The following ZNF280D variants were observed in gnomAD, a reference collection of about 807,000 sequenced individuals.
ZNF280D encodes zinc finger protein 280D.
ZNF280D carries 39 observed loss-of-function variants against 94.7 expected under a neutral mutation model. The ratio of observed to expected loss-of-function variants is 0.41; its 90% confidence interval spans 0.32 to 0.54. The LOEUF is 0.54. ZNF280D is among the 20% of genes least tolerant of loss of function. The probability of loss-of-function intolerance (pLI) is 0.22; values close to 1 mark genes in which losing one functional copy is unlikely to be tolerated. For missense variants in ZNF280D, 1,090 were observed against 1,149.3 expected (o/e 0.95, Z 0.75); for synonymous variants, 398 against 377.6 (o/e 1.05, Z -0.63).
At position 56,704,118 on chromosome 15, in the gene ZNF280D, T is replaced by C; in HGVS notation, c.175+3A>G. 1 of 1,613,432 alleles carries C rather than the reference T, an allele frequency of 6.2e-7. No individual in the cohort carries two copies. The highest frequency in any genetic ancestry group is 8.5e-7 in the Non-Finnish European group (1 of 1,179,810). ...CTTGGTTTCACTAAAAGTAAATGCT[T>C]ACTTGAAATTGCTGGTTTTGAACTT... On this transcript the variant is annotated splice_donor_region_variant and intron_variant, in intron 4 of 21. Transcript: ENST00000267807.
chr15:56,631,538 T>A lies in ZNF280D; in HGVS notation c.2900A>T (p.Glu967Val). 1 of 1,613,970 alleles carries A rather than the reference T, an allele frequency of 6.2e-7. No homozygotes were observed. Among genetic ancestry groups the A allele is most frequent in the Non-Finnish European group, 8.5e-7 (1 of 1,179,854 alleles). Residue 967 changes from glutamate (E) to valine (V), a missense_variant, in exon 22 of 22, where the codon GAG becomes GTG. Coordinates refer to ENST00000267807, the MANE Select transcript of ZNF280D (RefSeq NM_017661.4). ...IPGGNNPSTT[E>V]ATVDLEDEKE... The stretch of plus-strand genomic sequence containing the variant: ...TTCGTCTTCCAGGTCTACTGTTGCC[T>A]CTGTTGTGCTAGGGTTATTTCCTCC...
intron 19 of ZNF280D, among the ~76,000 whole-genome samples, chr15:56,648,662 C>T (rs781574080): frequency 7.9e-5 from 12 of 152,100 alleles, no homozygotes; most frequent in Non-Finnish European, 1.6e-4. Context: ...TAAAATCAGA[C>T]AGTAACAGCT....
chr15:56,713,932 G>A (rs1214217108), intron 1 of ZNF280D, among the ~76,000 whole-genome samples: 1 of 152,120 alleles, frequency 6.6e-6, no homozygotes, highest in East Asian at 1.9e-4. Context: ...GATAGAAAAT[G>A]TAAATCATAA....
chr15:56,724,379 C>G (rs2058526257), intron 1 of ZNF280D, among the ~76,000 whole-genome samples: 1 of 152,198 alleles, frequency 6.6e-6, no homozygotes, highest in South Asian at 2.1e-4. Flanking sequence ...GTGTTAAAAG[C>G]TTCCAGGTGC....
intron 9 of ZNF280D, among the ~76,000 whole-genome samples, chr15:56,688,289 G>A (rs1436361576): frequency 4.0e-5 from 6 of 151,756 alleles, no homozygotes; most frequent in African/African-American, 1.5e-4. Context: ...TCAGGAGATC[G>A]AGACCATCCT....
At chr15:56,684,556 A>G (rs1361527412) in intron 9 of ZNF280D, among the ~76,000 whole-genome samples, 2 of 152,126 alleles carry the variant, frequency 1.3e-5, no homozygotes, top group Non-Finnish European at 2.9e-5. Flanking sequence ...AATCAGAGAC[A>G]TGAAGACAAA....
At chr15:56,715,398 G>GGT (rs1170605174) in intron 1 of ZNF280D, among the ~76,000 whole-genome samples, 5 of 152,062 alleles carry the variant, frequency 3.3e-5, no homozygotes, top group Admixed American at 6.6e-5. Flanking sequence ...ACTAGAGTTT[G>GGT]GTGTGTGTGA....
chr15:56,668,260 G>A (rs1158079686), intron 14 of ZNF280D: 3 of 415,792 alleles, frequency 7.2e-6, no homozygotes, highest in Non-Finnish European at 1.4e-5. Context: ...AAAGAAGTCA[G>A]AGAAAACAGA....
intron 11 of ZNF280D, among the ~76,000 whole-genome samples, chr15:56,678,114 T>G (rs1272172452): frequency 6.6e-6 from 1 of 152,004 alleles, no homozygotes; most frequent in Non-Finnish European, 1.5e-5. Flanking sequence ...TTCAAGTGAT[T>G]CTCCTGCCTC....
chr15:56,723,047 G>C (rs1321317494), intron 1 of ZNF280D, among the ~76,000 whole-genome samples: 2 of 137,216 alleles, frequency 1.5e-5, no homozygotes, highest in African/African-American at 5.5e-5. Flanking sequence ...ATGGACACAG[G>C]AAGGGGAACA....
Position 56,641,742 on chromosome 15 carries a change from C to T in ZNF280D, c.2259+1210G>A, listed in dbSNP as rs546987143. 1.1e-4 allele frequency among the ~76,000 whole-genome samples: 17 copies of T among 151,684 alleles called. No individual in the cohort carries two copies. The South Asian group carries it at 1.2e-3, about 11-fold the overall frequency. On this transcript the variant is annotated intron_variant, in intron 20 of 21. Transcript: ENST00000267807. ...GTGGCTTGTATACCCCTGTATAAACCGGAAACATTTGCTCCATTATATCCC... is the reference window on the plus strand; with the variant it reads ...GTGGCTTGTATACCCCTGTATAAACTGGAAACATTTGCTCCATTATATCCC...
At chr15:56,709,179 T>C (rs1290631385) in intron 1 of ZNF280D, among the ~76,000 whole-genome samples, 2 of 151,834 alleles carry the variant, frequency 1.3e-5, no homozygotes, top group African/African-American at 4.8e-5. Context: ...ACAAAGAACC[T>C]CATCAAAAAG....
At position 56,699,622 on chromosome 15, in the gene ZNF280D, G is replaced by A. The variant is rs143348025; in HGVS notation, c.381+1311C>T. 603 of 871,696 alleles carry A rather than the reference G, an allele frequency of 6.9e-4. 5 individuals are homozygous for A. In the African/African-American group the frequency reaches 0.01, roughly 15 times the overall value. The allele number at this position is 871,696 out of a possible 1,614,324, so 54.0% of individuals were successfully genotyped here. ...TTTGATTTGTTTTCTTTTCTGGAGT[G>A]ATATTGTAAATACTTTAAAGATTTG... On this transcript the variant is annotated intron_variant, in intron 6 of 21. Coordinates refer to ENST00000267807, the MANE Select transcript of ZNF280D (RefSeq NM_017661.4).
At chr15:56,718,221 C>T (rs1199003771) in intron 1 of ZNF280D, among the ~76,000 whole-genome samples, 1 of 151,822 alleles carries the variant, frequency 6.6e-6, no homozygotes, top group Non-Finnish European at 1.5e-5. Flanking sequence ...ATTTCTAAGA[C>T]CCTTCAAGTA....
In ZNF280D at chr15:56,663,223, G is replaced by C. The variant is rs569406497; in HGVS notation, c.1994+3172C>G. On this transcript the variant is annotated intron_variant, in intron 16 of 21. Transcript: ENST00000267807. ...CACCTGAGCCCAGAAGGTTGAGGCT[G>C]TAGTGAACTGTGATGGAGCCACTGC... is the stretch of plus-strand genomic sequence containing the variant. Among the ~76,000 whole-genome samples, 249 of 142,262 alleles carry C rather than the reference G, an allele frequency of 1.8e-3. 3 individuals are homozygous for C. The highest frequency in any genetic ancestry group is 1.7e-3 in the African/African-American group (67 of 38,660). 93.3% of individuals were successfully genotyped at this position (142,262 alleles called of 152,430 possible).
At position 56,689,031 on chromosome 15, in the gene ZNF280D, A is replaced by G; in HGVS notation, c.780+10T>C. On this transcript the variant is annotated intron_variant, in intron 9 of 21. Coordinates refer to ENST00000267807, the MANE Select transcript of ZNF280D (RefSeq NM_017661.4). ...AACTTTTTACAAATTAAATTTTGAA[A>G]GAGTTTTACCTTCATGTGATTTTTC... 6.4e-7 allele frequency: 1 copy of G among 1,559,990 alleles called. No individual in the cohort carries two copies. Among genetic ancestry groups the G allele is most frequent in the African/African-American group, 1.4e-5 (1 of 72,740 alleles).
chr15:56,637,959 G>C (rs1323410180), intron 20 of ZNF280D, among the ~76,000 whole-genome samples: 1 of 152,078 alleles, frequency 6.6e-6, no homozygotes, highest in Non-Finnish European at 1.5e-5. Context: ...GAAAATATTT[G>C]GGTCTGTGAT....
chr15:56,675,592 A>T (rs1596461399), intron 13 of ZNF280D, among the ~76,000 whole-genome samples: 1 of 152,148 alleles, frequency 6.6e-6, no homozygotes, highest in East Asian at 1.9e-4. Flanking sequence ...ACTATATGTA[A>T]TTGGGGAAAC....
At chr15:56,676,936 G>T in intron 12 of ZNF280D, 120 bp from the exon 13 acceptor site, 1 of 710,342 alleles carries the variant, frequency 1.4e-6, no homozygotes, top group South Asian at 2.2e-5. Flanking sequence ...TAGCTCTGAT[G>T]CCTTTGCAAC....
Sources: gnomAD v4.1 joint callset for allele counts (sites outside exome capture counted in the v4.1 genomes callset) on GRCh38, gnomAD v4.1.1 for gene constraint, MANE v1.5 for transcripts, NCBI Gene and HGNC (gene_info 2026-07-23, HGNC 2026-07-21) for gene names.